TENM3: variants seen among roughly 807,000 people sequenced by gnomAD.
TENM3 encodes the protein teneurin transmembrane protein 3.
Under a neutral mutation model 255.1 loss-of-function variants are expected in TENM3, and 63 were observed. The observed-to-expected ratio is 0.25, with a 90% CI of 0.20 to 0.30. TENM3 has a LOEUF of 0.30. Among genes scored for constraint, TENM3 ranks in the 10% least tolerant of loss-of-function variants. The pLI is 1.00. For missense variants in TENM3, 2,929 were observed against 3,461.1 expected, an observed-to-expected ratio of 0.85 and a Z score of 3.86; for synonymous variants, 1,306 against 1,322.3, an observed-to-expected ratio of 0.99 and a Z score of 0.27.
the TENM3 span, among the ~76,000 whole-genome samples, chr4:181,886,170 A>C: frequency 2.7e-5 from 4 of 149,840 alleles, no homozygotes; most frequent in African/African-American, 4.9e-5. Context: ...CTCCCGCCTC[A>C]GCCTCCTGAG....
At chr4:181,709,776 A>C in the TENM3 span, among the ~76,000 whole-genome samples, 11 of 152,340 alleles carry the variant, frequency 7.2e-5, no homozygotes, top group African/African-American at 2.4e-4. Flanking sequence ...GATAAGGTGG[A>C]AAGTGGTTAG....
chr4:182,100,618 TATAC>T, the TENM3 span, among the ~76,000 whole-genome samples: 1 of 66,986 alleles, frequency 1.5e-5, no homozygotes, highest in Non-Finnish European at 3.1e-5. Flanking sequence ...CACACATATA[TATAC>T]ACACACATAT....
chr4:182,420,297 G>T (rs139058250), intron 3 of TENM3, among the ~76,000 whole-genome samples: 13 of 152,220 alleles, frequency 8.5e-5, no homozygotes, highest in African/African-American at 3.1e-4. Flanking sequence ...GCCATGAAAT[G>T]AATTAATACT....
the TENM3 span, among the ~76,000 whole-genome samples, chr4:181,539,789 G>T: frequency 6.6e-6 from 1 of 152,098 alleles, no homozygotes; most frequent in African/African-American, 2.4e-5. Context: ...TGAGTTAGTT[G>T]CTATAGAATA....
the TENM3 span, among the ~76,000 whole-genome samples, chr4:181,605,502 GAAAGAAAGAAAGA>G: frequency 6.7e-5 from 1 of 15,014 alleles, no homozygotes; most frequent in African/African-American, 2.4e-4. Flanking sequence ...AAGAAAGAAA[GAAAGAAAGAAAGA>G]AAGAAAGAAA....
chr4:182,654,917 G>A (rs757548899), intron 6 of TENM3, among the ~76,000 whole-genome samples: 22 of 152,026 alleles, frequency 1.4e-4, no homozygotes, highest in Non-Finnish European at 2.4e-4. Context: ...GGAGGTTGAG[G>A]AATTTTACGA....
At chr4:181,932,932 C>T in the TENM3 span, among the ~76,000 whole-genome samples, 2 of 152,126 alleles carry the variant, frequency 1.3e-5, no homozygotes, top group African/African-American at 4.8e-5. Context: ...CAAACCACAG[C>T]ATGTTTTCAC....
rs114938732 is a variant in TENM3, at chr4:182,641,689, G to T, written c.989-12082G>T. Among the ~76,000 whole-genome samples the T allele has an allele frequency of 6.4e-3, 974 of 152,226 alleles. 17 individuals carry two copies. Among genetic ancestry groups the T allele is most frequent in the African/African-American group, 0.023 (937 of 41,552 alleles). On this transcript the variant is annotated intron_variant, in intron 5 of 27. Transcript: ENST00000511685. Reference sequence around the variant, plus strand: ...ATTACAAGTGTGCTCCACACGCCTGGCTAATTTTTGTGATTGTAGCAGAGG... The same window carrying T: ...ATTACAAGTGTGCTCCACACGCCTGTCTAATTTTTGTGATTGTAGCAGAGG...
chr4:182,271,866 G>A (rs1433704639), intron 1 of TENM3, among the ~76,000 whole-genome samples: 1 of 152,194 alleles, frequency 6.6e-6, no homozygotes, highest in East Asian at 1.9e-4. Context: ...GCTCTGAGAT[G>A]CTTCTTATTG....
the TENM3 span, among the ~76,000 whole-genome samples, chr4:182,104,792 G>A: frequency 6.6e-6 from 1 of 151,966 alleles, no homozygotes; most frequent in Non-Finnish European, 1.5e-5. Context: ...GGGATTACAG[G>A]GTGAGCCACC....
At chr4:182,407,454 T>C (rs1769659910) in intron 3 of TENM3, among the ~76,000 whole-genome samples, 1 of 152,184 alleles carries the variant, frequency 6.6e-6, no homozygotes, top group South Asian at 2.1e-4. Context: ...AAATGGCTAG[T>C]AGTAAGTAGT....
the TENM3 span, among the ~76,000 whole-genome samples, chr4:182,066,071 G>T: frequency 6.6e-6 from 1 of 152,100 alleles, no homozygotes. Flanking sequence ...TTGATGAACA[G>T]CTGAACGATT....
At chr4:182,718,939 C>T (rs532855245) in intron 13 of TENM3, among the ~76,000 whole-genome samples, 1 of 152,144 alleles carries the variant, frequency 6.6e-6, no homozygotes, top group Non-Finnish European at 1.5e-5. Context: ...ACTTAAGATA[C>T]TTTTTAACAA....
At chr4:181,996,846 A>C in the TENM3 span, among the ~76,000 whole-genome samples, 1 of 152,238 alleles carries the variant, frequency 6.6e-6, no homozygotes, top group African/African-American at 2.4e-5. Flanking sequence ...GATCAATGGT[A>C]GTGGGATTGA....
the TENM3 span, among the ~76,000 whole-genome samples, chr4:181,735,345 A>T: frequency 3.9e-5 from 6 of 152,196 alleles, no homozygotes; most frequent in African/African-American, 1.4e-4. Flanking sequence ...CAATATTTAC[A>T]TAACCTAATG....
At chr4:182,166,608 G>A (rs559856451) in intron 1 of TENM3, among the ~76,000 whole-genome samples, 32 of 152,182 alleles carry the variant, frequency 2.1e-4, no homozygotes, top group African/African-American at 7.7e-4. Context: ...GATAGATTTT[G>A]ACATTTATTT....
At chr4:181,873,887 C>A in the TENM3 span, among the ~76,000 whole-genome samples, 2 of 152,022 alleles carry the variant, frequency 1.3e-5, no homozygotes, top group African/African-American at 4.8e-5. Context: ...CAGGTTCAAG[C>A]GATTCTCCTA....
chr4:181,972,150 G>A, the TENM3 span, among the ~76,000 whole-genome samples: 5 of 152,056 alleles, frequency 3.3e-5, no homozygotes, highest in African/African-American at 1.2e-4. Flanking sequence ...GGCCAGATGT[G>A]GTGACTCACA....
intron 3 of TENM3, among the ~76,000 whole-genome samples, chr4:182,556,244 G>T (rs1742575298): frequency 2.0e-5 from 3 of 152,180 alleles, no homozygotes; most frequent in Non-Finnish European, 1.5e-5. Context: ...ATTTACTTCG[G>T]TTGGCTGAGA....
Sources: gnomAD v4.1 joint callset for allele counts (sites outside exome capture counted in the v4.1 genomes callset) on GRCh38, gnomAD v4.1.1 for gene constraint, MANE v1.5 for transcripts, NCBI Gene and HGNC (gene_info 2026-07-23, HGNC 2026-07-21) for gene names.